LHFPL3: variants seen among roughly 807,000 people sequenced by gnomAD.
LHFPL3 encodes the protein LHFPL tetraspan subfamily member 3 protein.
In LHFPL3, 5 loss-of-function variants were observed where a neutral mutation model predicts 19.3. That is an observed-to-expected ratio of 0.26 (90% CI 0.14 to 0.54). The LOEUF is 0.54. LHFPL3 is among the 20% of genes least tolerant of loss of function. LHFPL3 has a pLI of 0.94. For synonymous variants in LHFPL3, 133 were observed against 126.2 expected (o/e 1.05, Z -0.36); for missense variants, 249 against 307.4 (o/e 0.81, Z 1.42).
chr7:104,426,876 T>C (rs947033771), intron 1 of LHFPL3, among the ~76,000 whole-genome samples: 7 of 152,200 alleles, frequency 4.6e-5, no homozygotes, highest in African/African-American at 9.6e-5. Context: ...TTTTACTAGA[T>C]GGAATTCCTT....
chr7:104,433,181 A>G (rs752646133), intron 1 of LHFPL3, among the ~76,000 whole-genome samples: 3 of 152,216 alleles, frequency 2.0e-5, no homozygotes, highest in Non-Finnish European at 4.4e-5. Flanking sequence ...ATAAAATGTT[A>G]TCCTTGAATA....
At chr7:104,345,965 T>C (rs1790056581) in intron 1 of LHFPL3, among the ~76,000 whole-genome samples, 1 of 152,184 alleles carries the variant, frequency 6.6e-6, no homozygotes, top group East Asian at 1.9e-4. Context: ...GTCTTTTTTC[T>C]TACTTCTAAT....
intron 2 of LHFPL3, among the ~76,000 whole-genome samples, chr7:104,870,446 G>A (rs1411962675): frequency 3.9e-5 from 6 of 152,246 alleles, no homozygotes; most frequent in Admixed American, 3.3e-4. Flanking sequence ...GTCTCCCAGG[G>A]CAAGGATTCC....
At chr7:104,455,355 C>G (rs115425074) in intron 1 of LHFPL3, among the ~76,000 whole-genome samples, 1 of 147,798 alleles carries the variant, frequency 6.8e-6, no homozygotes, top group East Asian at 2.0e-4. Context: ...ACATGGTAAG[C>G]GCTTCTAAAA....
intron 1 of LHFPL3, among the ~76,000 whole-genome samples, chr7:104,681,858 C>T (rs181663309): frequency 1.3e-5 from 2 of 152,288 alleles, no homozygotes; most frequent in African/African-American, 4.8e-5. Context: ...CCTAGACAGG[C>T]AGTACTGGTT....
At chr7:104,807,418 G>A (rs910397818) in intron 2 of LHFPL3, among the ~76,000 whole-genome samples, 8 of 151,956 alleles carry the variant, frequency 5.3e-5, no homozygotes, top group African/African-American at 1.7e-4. Flanking sequence ...ACTGTTAGAC[G>A]ATAAATTTCA....
intron 1 of LHFPL3, among the ~76,000 whole-genome samples, chr7:104,533,904 G>A (rs1413010458): frequency 2.6e-5 from 4 of 152,106 alleles, no homozygotes; most frequent in Non-Finnish European, 5.9e-5. Flanking sequence ...CAACCACCCA[G>A]GCTAACTTTT....
At chr7:104,377,460 A>G (rs143544702) in intron 1 of LHFPL3, among the ~76,000 whole-genome samples, 4 of 152,376 alleles carry the variant, frequency 2.6e-5, no homozygotes, top group African/African-American at 7.2e-5. Flanking sequence ...GGAAGAGTTT[A>G]AGGAAAGGAG....
At chr7:104,486,346 T>G (rs1017149076) in intron 1 of LHFPL3, among the ~76,000 whole-genome samples, 7 of 152,372 alleles carry the variant, frequency 4.6e-5, no homozygotes, top group African/African-American at 1.7e-4. Context: ...TGCTATAGTC[T>G]ATTTTGGTTG....
At chr7:104,422,833 A>G (rs940843880) in intron 1 of LHFPL3, among the ~76,000 whole-genome samples, 7 of 152,192 alleles carry the variant, frequency 4.6e-5, no homozygotes, top group East Asian at 3.8e-4. Flanking sequence ...GTGATGTAAC[A>G]TATATTGGGA....
At chr7:104,876,673 T>A (rs1026468249) in intron 2 of LHFPL3, among the ~76,000 whole-genome samples, 5 of 151,958 alleles carry the variant, frequency 3.3e-5, no homozygotes, top group African/African-American at 1.2e-4. Flanking sequence ...TTTACACTGT[T>A]GGTGGGACTG....
At chr7:104,426,513 C>A (rs1437369987) in intron 1 of LHFPL3, among the ~76,000 whole-genome samples, 4 of 152,030 alleles carry the variant, frequency 2.6e-5, no homozygotes, top group Admixed American at 1.3e-4. Flanking sequence ...ACCTTGGCCT[C>A]CCAAAGTGCT....
At chr7:104,451,154 C>T (rs186452585) in intron 1 of LHFPL3, among the ~76,000 whole-genome samples, 1 of 152,256 alleles carries the variant, frequency 6.6e-6, no homozygotes, top group Admixed American at 6.5e-5. Context: ...TTTTTCTTCT[C>T]AAAGTGATAT....
intron 1 of LHFPL3, among the ~76,000 whole-genome samples, chr7:104,454,453 G>C (rs886503911): frequency 1.3e-4 from 20 of 152,114 alleles, no homozygotes; most frequent in African/African-American, 3.9e-4. Flanking sequence ...GTCCCTACTT[G>C]AGTTAGTACA....
At chr7:104,880,351 A>T (rs1421431083) in intron 2 of LHFPL3, among the ~76,000 whole-genome samples, 3 of 152,018 alleles carry the variant, frequency 2.0e-5, no homozygotes, top group Non-Finnish European at 4.4e-5. Flanking sequence ...CTGAGGCCTC[A>T]TCAGGAGGAG....
At position 104,907,240 on chromosome 7, in the gene LHFPL3, T is replaced by G. The variant is rs1792638712; in HGVS notation, c.*1025T>G. 2 of 152,704 alleles carry G rather than the reference T, an allele frequency of 1.3e-5. No homozygotes were observed. The highest frequency in any genetic ancestry group is 4.1e-4 in the South Asian group (2 of 4,824). The allele number at this position is 152,704 out of a possible 1,614,324, so 9.5% of individuals were successfully genotyped here. A position where few individuals can be genotyped will look rare whatever the true frequency, so the allele number is the denominator to read the frequency against. ...CTTACTGATGGGCACTCATTTTTATTTTTTTAAAAATCATTCCATTAAACA... is the reference window on the plus strand; with the variant it reads ...CTTACTGATGGGCACTCATTTTTATGTTTTTAAAAATCATTCCATTAAACA... On this transcript the variant is annotated 3_prime_UTR_variant, in exon 3 of 3. Transcript: ENST00000424859.
Position 104,595,458 on chromosome 7 carries a change from A to G in LHFPL3, c.446-141217A>G, listed in dbSNP as rs60819321. ...CTTTGTCCCAGAGAGGCAGCTGCCT[A>G]TATGAGATGTCTGTCGGCCCCTACT... On this transcript the variant is annotated intron_variant, in intron 1 of 2. Transcript: ENST00000424859. Among the ~76,000 whole-genome samples the G allele has an allele frequency of 3.0e-3, 455 of 152,304 alleles. 1 individual carries two copies. Among genetic ancestry groups the G allele is most frequent in the African/African-American group, 0.01 (432 of 41,564 alleles).
rs965818560 is a variant in LHFPL3 at position 104,399,714 on chromosome 7, C to T, written c.445+70490C>T. On this transcript the variant is annotated intron_variant, in intron 1 of 2. Coordinates refer to ENST00000424859, the MANE Select transcript of LHFPL3 (RefSeq NM_199000.3). This position sits in a 1 kb window ranked among gnomAD's most constrained non-coding sequence, Gnocchi z 4.4. Reference sequence around the variant, plus strand: ...GTCTTGAACTCCCAACCTCGTGCTCCGCCCACCTCGGCCTCCCAAAGTGCT... The same window carrying T: ...GTCTTGAACTCCCAACCTCGTGCTCTGCCCACCTCGGCCTCCCAAAGTGCT... 1.3e-5 allele frequency among the ~76,000 whole-genome samples: 2 copies of T among 151,174 alleles called. No homozygotes were observed. The highest frequency in any genetic ancestry group is 2.0e-4 in the East Asian group (1 of 5,104).
intron 1 of LHFPL3, among the ~76,000 whole-genome samples, chr7:104,489,923 C>G (rs1170101877): frequency 1.3e-5 from 2 of 152,122 alleles, no homozygotes; most frequent in Non-Finnish European, 2.9e-5. Context: ...CACCGTAAGT[C>G]TTTATAGTTC....
Sources: gnomAD v4.1 joint callset for allele counts (sites outside exome capture counted in the v4.1 genomes callset) on GRCh38, gnomAD v4.1.1 for gene constraint, Gnocchi (gnomAD v3.1) non-coding constraint, MANE v1.5 for transcripts, NCBI Gene and HGNC (gene_info 2026-07-23, HGNC 2026-07-21) for gene names.